The following APOO variants were observed in gnomAD, a reference collection of about 807,000 sequenced individuals.
APOO encodes the protein apolipoprotein O.
APOO carries 11 observed loss-of-function variants against 23.1 expected under a neutral mutation model. The ratio of observed to expected loss-of-function variants is 0.48; its 90% CI spans 0.30 to 0.79. The LOEUF (loss-of-function observed/expected upper bound fraction) is 0.79, where lower values mean the gene tolerates loss of function less well. Among genes scored for constraint, APOO ranks in the 30% least tolerant of loss-of-function variants. The pLI, the probability that APOO is intolerant of heterozygous loss-of-function variation, is 0.07. For missense variants in APOO, 160 were observed against 142.7 expected (o/e 1.12, Z -0.62); for synonymous variants, 59 against 54.8 (o/e 1.08, Z -0.34).
At chrX:23,869,198 T>G (rs984775789) in intron 4 of APOO, among the ~76,000 whole-genome samples, 1 of 110,590 alleles carries the variant, frequency 9.0e-6, no homozygotes, top group Non-Finnish European at 1.9e-5. Context: ...TGTGAGCCAC[T>G]GCGCCCGGCT....
At chrX:23,906,524 A>G (rs765363399) in intron 1 of APOO, among the ~76,000 whole-genome samples, 13 of 112,403 alleles carry the variant, frequency 1.2e-4, no homozygotes, top group Non-Finnish European at 1.9e-4. Flanking sequence ...ATATAGTTAA[A>G]CTGGCCACAG....
chrX:23,855,754 T>C (rs1473160931), intron 7 of APOO, among the ~76,000 whole-genome samples: 1 of 111,825 alleles, frequency 8.9e-6, no homozygotes, highest in East Asian at 2.8e-4. Context: ...CACAACTTCT[T>C]CCCTCTGTTG....
At chrX:23,847,518 C>T (rs1045165999) in intron 7 of APOO, among the ~76,000 whole-genome samples, 2 of 109,886 alleles carry the variant, frequency 1.8e-5, no homozygotes, top group Non-Finnish European at 3.8e-5. Flanking sequence ...CCCAGCTACT[C>T]GGGAGGCTGA....
intron 5 of APOO, among the ~76,000 whole-genome samples, chrX:23,861,821 C>G (rs756096589): frequency 1.1e-5 from 1 of 94,051 alleles, no homozygotes; most frequent in Non-Finnish European, 2.1e-5. Context: ...TTTTTTTTCC[C>G]GAGACGGAGT....
intron 7 of APOO, among the ~76,000 whole-genome samples, chrX:23,855,846 A>G (rs1025520909): frequency 5.4e-5 from 6 of 111,967 alleles, no homozygotes; most frequent in Non-Finnish European, 9.4e-5. Context: ...CCCTCAGCTG[A>G]GCTGAGAAGC....
At chrX:23,856,554 A>ATT (rs373801710) in intron 6 of APOO, among the ~76,000 whole-genome samples, 172 bp from the exon 7 acceptor site, 6 of 103,100 alleles carry the variant, frequency 5.8e-5, no homozygotes, top group Admixed American at 3.2e-4. Flanking sequence ...TCAATGGTAG[A>ATT]TTTTTTTTTT....
chrX:23,867,151 A>G (rs761219327), intron 5 of APOO, among the ~76,000 whole-genome samples: 2 of 111,478 alleles, frequency 1.8e-5, no homozygotes, highest in South Asian at 7.5e-4. Context: ...AACGAAACTA[A>G]ACTAAACTAA....
chrX:23,900,905 CAAG>C (rs773972276), intron 1 of APOO, among the ~76,000 whole-genome samples: 50 of 111,227 alleles, frequency 4.5e-4, no homozygotes, highest in South Asian at 3.8e-4. Context: ...TATAATTCCT[CAAG>C]AAGAATTCCC....
At chrX:23,879,342 G>A (rs772940488) in intron 2 of APOO, among the ~76,000 whole-genome samples, 4 of 111,686 alleles carry the variant, frequency 3.6e-5, no homozygotes, top group East Asian at 5.6e-4. Context: ...AGGCTGAGGC[G>A]GGAGAATCTC....
chrX:23,846,326 A>C (rs1326106719), intron 7 of APOO, among the ~76,000 whole-genome samples: 1 of 99,176 alleles, frequency 1.0e-5, no homozygotes, highest in Non-Finnish European at 2.0e-5. Flanking sequence ...AAAAAAAAAA[A>C]AAAAGACAAC....
intron 4 of APOO, among the ~76,000 whole-genome samples, chrX:23,873,039 A>G (rs1925689640): frequency 9.0e-6 from 1 of 110,994 alleles, no homozygotes; most frequent in African/African-American, 3.3e-5. Context: ...CAACAGAGTG[A>G]GAATCTGTCT....
chrX:23,841,392 C>T (rs1161410875), intron 7 of APOO, among the ~76,000 whole-genome samples: 2 of 107,076 alleles, frequency 1.9e-5, no homozygotes, highest in East Asian at 2.9e-4. Flanking sequence ...TGTTGGTTCA[C>T]GCCTGTAATC....
intron 8 of APOO, among the ~76,000 whole-genome samples, chrX:23,838,010 T>A (rs1194127448): frequency 1.9e-5 from 2 of 106,255 alleles, no homozygotes; most frequent in Non-Finnish European, 3.9e-5. Flanking sequence ...TATCTATATT[T>A]AAAAGTCTGG....
chrX:23,870,630 TAAAA>T (rs1185238276), intron 4 of APOO, among the ~76,000 whole-genome samples: 3 of 98,230 alleles, frequency 3.1e-5, no homozygotes, highest in African/African-American at 1.1e-4. Flanking sequence ...TACAAAAAAT[TAAAA>T]AAAAAAATTA....
chrX:23,869,979 T>TA (rs1244953551), intron 4 of APOO, among the ~76,000 whole-genome samples: 1 of 108,931 alleles, frequency 9.2e-6, no homozygotes, highest in Non-Finnish European at 1.9e-5. Flanking sequence ...AGAAATCAAA[T>TA]ACATTAGACT....
intron 4 of APOO, among the ~76,000 whole-genome samples, chrX:23,871,289 G>A (rs762148335): frequency 6.2e-4 from 65 of 104,480 alleles, no homozygotes; most frequent in African/African-American, 2.0e-3. Context: ...CGTAAACCCA[G>A]GAGGCGGAGC....
intron 1 of APOO, among the ~76,000 whole-genome samples, chrX:23,890,651 A>AT (rs907301850): frequency 8.9e-6 from 1 of 112,165 alleles, no homozygotes; most frequent in African/African-American, 3.2e-5. Context: ...TACATGAAAC[A>AT]TTCAATAGTT....
At chrX:23,898,095 T>C (rs772322760) in intron 1 of APOO, among the ~76,000 whole-genome samples, 24 of 109,050 alleles carry the variant, frequency 2.2e-4, no homozygotes, top group South Asian at 4.0e-4. Context: ...TTCATATCTC[T>C]TTTTTTGTTG....
chrX:23,834,983 A>G (rs891252628), intron 8 of APOO, among the ~76,000 whole-genome samples: 7 of 109,188 alleles, frequency 6.4e-5, no homozygotes, highest in Non-Finnish European at 9.5e-5. Flanking sequence ...TCAGCTTCCC[A>G]AAGTGCTGGG....
Sources: allele counts gnomAD v4.1 joint callset (sites outside exome capture counted in the v4.1 genomes callset), GRCh38; gene constraint gnomAD v4.1.1; transcripts MANE v1.5; gene names NCBI Gene and HGNC (gene_info 2026-07-23, HGNC 2026-07-21).